ATAD2B: variants seen among roughly 807,000 people sequenced by gnomAD.
ATAD2B encodes ATPase family AAA domain containing 2B.
A neutral mutation model predicts 167.6 loss-of-function variants in ATAD2B; 40 were observed. That is an observed-to-expected ratio of 0.24 (90% confidence interval 0.19 to 0.31). The LOEUF (loss-of-function observed/expected upper bound fraction) is 0.31. Among genes scored for constraint, ATAD2B ranks in the 10% least tolerant of loss-of-function variants. The probability of loss-of-function intolerance (pLI) is 1.00; values close to 1 mark genes in which losing one functional copy is unlikely to be tolerated. For missense variants in ATAD2B, 1,242 were observed against 1,757.2 expected (o/e 0.71, Z 5.24); for synonymous variants, 579 against 596.5 (o/e 0.97, Z 0.43).
intron 1 of ATAD2B, among the ~76,000 whole-genome samples, chr2:23,897,380 T>A (rs1018603837): frequency 1.3e-5 from 2 of 152,198 alleles, no homozygotes; most frequent in Non-Finnish European, 2.9e-5. Context: ...TTATGGGGGA[T>A]TATTTTGATA....
At chr2:23,705,436 G>T in the ATAD2B span, among the ~76,000 whole-genome samples, 1 of 151,898 alleles carries the variant, frequency 6.6e-6, no homozygotes. Context: ...AGGTTGCAGT[G>T]AGCTGAGATC....
At chr2:23,747,330 T>C (rs1572606006), downstream of ATAD2B, among the ~76,000 whole-genome samples, 3 of 151,140 alleles carry the variant, frequency 2.0e-5, no homozygotes, top group East Asian at 5.8e-4. Flanking sequence ...ATATATATAT[T>C]ACACATACAT....
the ATAD2B span, among the ~76,000 whole-genome samples, chr2:23,701,793 C>CTTTTTTTTTT: frequency 3.1e-4 from 7 of 22,534 alleles, no homozygotes; most frequent in Non-Finnish European, 5.9e-4. Context: ...CTTTTTTTTG[C>CTTTTTTTTTT]TTTTTTTTTT....
In ATAD2B at chr2:23,828,863, G is replaced by C. The variant is rs949618745; in HGVS notation, c.1805C>G (p.Ala602Gly). 6.2e-7 allele frequency: 1 copy of C among 1,608,554 alleles called. No homozygotes were observed. The highest frequency in any genetic ancestry group is 1.1e-5 in the South Asian group (1 of 90,084). Residue 602 changes from alanine (A) to glycine (G), a missense_variant, in exon 15 of 28, where the codon GCT becomes GGT. Physicochemically the swap from Ala to Gly is moderately conservative, Grantham distance 60 (BLOSUM62 0). Transcript: ENST00000238789. ...KLSDAFLGEL[A>G]EKCVGYCGAD... ...GTAACACTCACCAACACATTTTTCA[G>C]CCAATTCACCTAAAAATGCATCTGA...
the ATAD2B span, chr2:23,684,329 ACTT>A: frequency 1.7e-6 from 2 of 1,195,258 alleles, no homozygotes; most frequent in Non-Finnish European, 1.1e-6. This position sits in a 1 kb window ranked among gnomAD's most constrained non-coding sequence, Gnocchi z 4.4. Flanking sequence ...AAGAAAAAAA[ACTT>A]TTTTTAATTA....
At chr2:23,870,624 C>T (rs1294947631) in intron 8 of ATAD2B, among the ~76,000 whole-genome samples, 2 of 108,788 alleles carry the variant, frequency 1.8e-5, no homozygotes, top group African/African-American at 3.0e-5. Flanking sequence ...TAGCGAATAT[C>T]GGTCACTGTT....
the ATAD2B span, among the ~76,000 whole-genome samples, chr2:23,683,288 C>T: frequency 1.7e-4 from 26 of 152,220 alleles, no homozygotes; most frequent in African/African-American, 5.8e-4. Flanking sequence ...CAAGGGAAAT[C>T]GCCTGGCCTG....
At chr2:23,901,154 G>A (rs183624372) in intron 1 of ATAD2B, 4 of 162,076 alleles carry the variant, frequency 2.5e-5, no homozygotes, top group Admixed American at 1.8e-4. Context: ...GCATAAGTTT[G>A]TCTACGTACT....
intron 26 of ATAD2B, 145 bp from the exon 27 acceptor site, chr2:23,754,452 A>C (rs1675717924): frequency 2.6e-6 from 3 of 1,138,800 alleles, no homozygotes; most frequent in Non-Finnish European, 2.4e-6. Flanking sequence ...GCTTAAAATC[A>C]TTCCCTTAGA....
At chr2:23,858,744 A>G (rs1361325510) in intron 12 of ATAD2B, among the ~76,000 whole-genome samples, 1 of 152,042 alleles carries the variant, frequency 6.6e-6, no homozygotes, top group East Asian at 1.9e-4. Flanking sequence ...CGGCCTGCCA[A>G]TGTGCTGGGA....
intron 2 of ATAD2B, among the ~76,000 whole-genome samples, chr2:23,893,667 CTTT>C (rs745557044): frequency 2.5e-5 from 3 of 119,436 alleles, no homozygotes; most frequent in Non-Finnish European, 3.5e-5. Context: ...AAAAAAAAAA[CTTT>C]TTTTTTTTTT....
intron 1 of ATAD2B, among the ~76,000 whole-genome samples, chr2:23,920,341 C>A (rs376752150): frequency 6.6e-6 from 1 of 152,178 alleles, no homozygotes; most frequent in African/African-American, 2.4e-5. Context: ...CATTTAGCAC[C>A]TACTTTGAAC....
the ATAD2B span, among the ~76,000 whole-genome samples, chr2:23,693,089 C>T: frequency 5.6e-3 from 860 of 152,220 alleles, 6 homozygotes; most frequent in African/African-American, 0.02. Flanking sequence ...TAGGGGAGAA[C>T]CCAGGAGAAG....
chr2:23,890,166 G>A (rs1265674880), intron 2 of ATAD2B, among the ~76,000 whole-genome samples: 1 of 150,444 alleles, frequency 6.6e-6, no homozygotes, highest in South Asian at 2.1e-4. Context: ...AGTGAGCCGA[G>A]ATCGCGCCAC....
intron 7 of ATAD2B, among the ~76,000 whole-genome samples, chr2:23,880,183 TATAA>T (rs1306082723): frequency 2.0e-5 from 3 of 152,188 alleles, no homozygotes; most frequent in Non-Finnish European, 2.9e-5. Flanking sequence ...CACAAGCTTC[TATAA>T]ATAAAATGTA....
chr2:23,890,241 A>C (rs558029931), intron 2 of ATAD2B, among the ~76,000 whole-genome samples: 2 of 152,058 alleles, frequency 1.3e-5, no homozygotes, highest in Non-Finnish European at 2.9e-5. Context: ...AATAAATAAC[A>C]AAAAACAAAA....
Position 23,749,356 on chromosome 2 carries a change from T to C in ATAD2B, c.*2690A>G, listed in dbSNP as rs1378167346. The stretch of plus-strand genomic sequence containing the variant: ...ACTCATCTGAGAGCAAGGTTTTACA[T>C]AGGAGCTTATCTTTATAATGCTCAC... On this transcript the variant is annotated 3_prime_UTR_variant, in exon 28 of 28. Coordinates refer to ENST00000238789, the MANE Select transcript of ATAD2B (RefSeq NM_017552.4). The C allele has an allele frequency of 2.6e-5, 4 of 152,140 alleles. No individual in the cohort carries two copies. The highest frequency in any genetic ancestry group is 4.4e-5 in the Non-Finnish European group (3 of 68,000). The allele number at this position is 152,140 out of a possible 1,614,324, so 9.4% of individuals were successfully genotyped here. A position where few individuals can be genotyped will look rare whatever the true frequency, so the allele number is the denominator to read the frequency against.
At chr2:23,735,497 T>C in the ATAD2B span, among the ~76,000 whole-genome samples, 1 of 152,232 alleles carries the variant, frequency 6.6e-6, no homozygotes, top group Non-Finnish European at 1.5e-5. Flanking sequence ...TAAACTTTTA[T>C]TTTCCATTTT....
intron 13 of ATAD2B, among the ~76,000 whole-genome samples, chr2:23,851,402 A>G (rs1479143452): frequency 6.6e-6 from 1 of 152,180 alleles, no homozygotes; most frequent in African/African-American, 2.4e-5. Flanking sequence ...TGGCCTCCCA[A>G]AGTGCTGGGA....
Sources: allele counts gnomAD v4.1 joint callset (sites outside exome capture counted in the v4.1 genomes callset), GRCh38; gene constraint gnomAD v4.1.1; non-coding constraint Gnocchi (gnomAD v3.1); transcripts MANE v1.5; gene names NCBI Gene and HGNC (gene_info 2026-07-23, HGNC 2026-07-21).